Variants in AFAP1 observed in about 807,000 individuals in gnomAD.
The protein encoded by AFAP1 is actin filament-associated protein 1.
A neutral mutation model predicts 93.9 loss-of-function variants in AFAP1; 75 were observed. That is an observed-to-expected ratio of 0.80 (90% CI 0.66 to 0.97). AFAP1 has a LOEUF of 0.97. Among genes scored for constraint, AFAP1 ranks in the 50% least tolerant of loss-of-function variants. AFAP1 has a pLI of 0.00. For synonymous variants in AFAP1, 517 were observed against 430.7 expected, an observed-to-expected ratio of 1.20 and a Z score of -2.48; for missense variants, 1,201 against 1,050.8, an observed-to-expected ratio of 1.14 and a Z score of -1.98.
chr4:7,798,987 G>A, intron 10 of AFAP1: 3 of 986,372 alleles, frequency 3.0e-6, no homozygotes, highest in Non-Finnish European at 3.6e-6. Flanking sequence ...GTTACATCAA[G>A]AGTACAGTTT....
chr4:7,810,006 G>A (rs573769018), intron 8 of AFAP1, among the ~76,000 whole-genome samples: 5 of 152,202 alleles, frequency 3.3e-5, no homozygotes, highest in South Asian at 4.2e-4. Context: ...CCACAGGTGC[G>A]TGTCACTACG....
intron 6 of AFAP1, among the ~76,000 whole-genome samples, chr4:7,825,591 G>C (rs1721351364): frequency 6.6e-6 from 1 of 152,150 alleles, no homozygotes; most frequent in South Asian, 2.1e-4. Context: ...CGTTAACACT[G>C]TGTGTAGAAT....
At chr4:7,766,345 TCCC>T (rs904544586) in intron 17 of AFAP1, among the ~76,000 whole-genome samples, 13 of 151,950 alleles carry the variant, frequency 8.6e-5, no homozygotes, top group Non-Finnish European at 1.6e-4. Context: ...GTTGTACAGG[TCCC>T]CCATTTCCTC....
chr4:7,838,802 A>T (rs1334887400), intron 5 of AFAP1, 99 bp from the exon 6 acceptor site: 2 of 1,354,138 alleles, frequency 1.5e-6, no homozygotes, highest in Admixed American at 3.9e-5. Flanking sequence ...CGGGCAAGGC[A>T]TCTGAAAGTC....
intron 1 of AFAP1, among the ~76,000 whole-genome samples, chr4:7,907,219 A>C (rs1016620017): frequency 6.6e-6 from 1 of 152,176 alleles, no homozygotes; most frequent in African/African-American, 2.4e-5. Context: ...GCTTTTGCTA[A>C]AACAGAGGAA....
chr4:7,807,592 A>C (rs1456248048), intron 9 of AFAP1, among the ~76,000 whole-genome samples: 1 of 152,226 alleles, frequency 6.6e-6, no homozygotes, highest in Non-Finnish European at 1.5e-5. Context: ...GGAACGCACC[A>C]GGCTCCTCGG....
At chr4:7,796,031 C>T (rs1718387216) in intron 10 of AFAP1, among the ~76,000 whole-genome samples, 1 of 152,122 alleles carries the variant, frequency 6.6e-6, no homozygotes, top group South Asian at 2.1e-4. Context: ...TTGTAAGTAT[C>T]TGTCATATGT....
intron 17 of AFAP1, among the ~76,000 whole-genome samples, chr4:7,768,139 T>C (rs2148948002): frequency 6.6e-6 from 1 of 152,354 alleles, no homozygotes; most frequent in East Asian, 1.9e-4. Context: ...AGGACTCCCG[T>C]GTTCCAGCCC....
In AFAP1 at chr4:7,868,700, A is replaced by G. The variant is rs1379060206; in HGVS notation, c.147T>C (p.His49=). 3 of 1,613,412 alleles carry G rather than the reference A, an allele frequency of 1.9e-6. No homozygotes were observed. Among genetic ancestry groups the G allele is most frequent in the East Asian group, 2.2e-5 (1 of 44,892 alleles). Residue 49 remains histidine (H), a synonymous_variant, in exon 3 of 18, where the codon CAT becomes CAC. Coordinates refer to ENST00000420658, the MANE Select transcript of AFAP1 (RefSeq NM_001134647.2). ...TGTTAGCGGTCTCCTGCTTCTGAGC[A>G]TGGTCCTTCACATCAAAACCTGTAA... is the stretch of plus-strand genomic sequence containing the variant. The part of the protein sequence containing the change: ...QSSKGFDVKD[H]AQKQETANSL...
chr4:7,890,799 T>C (rs1002929600), intron 1 of AFAP1, among the ~76,000 whole-genome samples: 1 of 152,132 alleles, frequency 6.6e-6, no homozygotes, highest in Non-Finnish European at 1.5e-5. Context: ...TATCAAGCCT[T>C]AGCAAAACAG....
chr4:7,771,876 G>C (rs1715487190), intron 16 of AFAP1, among the ~76,000 whole-genome samples: 1 of 152,148 alleles, frequency 6.6e-6, no homozygotes, highest in Non-Finnish European at 1.5e-5. Flanking sequence ...GGGGATGGGA[G>C]AGGCTTGGAG....
chr4:7,937,596 C>T lies in AFAP1; in HGVS notation c.-3+2060G>A, dbSNP rs1467564317. Among the ~76,000 whole-genome samples, 8 of 152,186 alleles carry T rather than the reference C, an allele frequency of 5.3e-5. No individual in the cohort carries two copies. In the East Asian group the frequency reaches 1.5e-3, roughly 29 times the overall value. On this transcript the variant is annotated intron_variant, in intron 1 of 17. Transcript: ENST00000420658. ...CCGCCTCCTGGGTTCAAGCTATTCT[C>T]CTGCCTCAGCCTCATGAGTAGCTGC...
In AFAP1 at chr4:7,939,754, G is replaced by T; in HGVS notation, c.-101C>A. 1 of 403,650 alleles carries T rather than the reference G, an allele frequency of 2.5e-6. No homozygotes were observed. Among genetic ancestry groups the T allele is most frequent in the Non-Finnish European group, 4.9e-6 (1 of 205,750 alleles). The allele number at this position is 403,650 out of a possible 1,614,324, so 25.0% of individuals were successfully genotyped here. ...ACAGAGCCGCAGCCGCCTTAACAAT[G>T]GAGCCCCGGGGCGGGGCCGCCGCCG... On this transcript the variant is annotated 5_prime_UTR_variant, in exon 1 of 18. Transcript: ENST00000420658. This position sits in a 1 kb window ranked among gnomAD's most constrained non-coding sequence, Gnocchi z 5.6.
rs554679378 is a variant in AFAP1 at position 7,902,759 on chromosome 4, G to A, written c.-2-30679C>T. Among the ~76,000 whole-genome samples the A allele has an allele frequency of 2.0e-5, 3 of 152,336 alleles. No homozygotes were observed. The East Asian group carries it at 5.8e-4, about 29-fold the overall frequency. On this transcript the variant is annotated intron_variant, in intron 1 of 17. Coordinates refer to ENST00000420658, the MANE Select transcript of AFAP1 (RefSeq NM_001134647.2). Reference sequence around the variant, plus strand: ...CTTTAGCAGTAAGGCAGGGAGTGCAGTGAGAAGTGACCAGGCACTGGGAGG... The same window carrying A: ...CTTTAGCAGTAAGGCAGGGAGTGCAATGAGAAGTGACCAGGCACTGGGAGG...
rs140852884 is a variant in AFAP1 at position 7,903,581 on chromosome 4, A to C, written c.-2-31501T>G. ...GTAATCCCAGTTACTCAGGAAGCTG[A>C]GGCACAAGAATCACTTGAACCTGGG... On this transcript the variant is annotated intron_variant, in intron 1 of 17. Coordinates refer to ENST00000420658, the MANE Select transcript of AFAP1 (RefSeq NM_001134647.2). Among the ~76,000 whole-genome samples, 65 of 152,386 alleles carry C rather than the reference A, an allele frequency of 4.3e-4. 1 individual carries two copies. The East Asian group carries it at 0.012, about 28-fold the overall frequency.
At chr4:7,917,468 T>C (rs541490608) in intron 1 of AFAP1, among the ~76,000 whole-genome samples, 1 of 152,326 alleles carries the variant, frequency 6.6e-6, no homozygotes, top group South Asian at 2.1e-4. Context: ...ACTCACTTTC[T>C]GTCTTCCATA....
intron 14 of AFAP1, chr4:7,777,952 C>G (rs1716319524): frequency 6.6e-6 from 1 of 152,328 alleles, no homozygotes. Flanking sequence ...AATACAAACA[C>G]TTAAGAGATG....
chr4:7,885,464 C>T (rs929931357), intron 1 of AFAP1, among the ~76,000 whole-genome samples: 1 of 152,198 alleles, frequency 6.6e-6, no homozygotes, highest in African/African-American at 2.4e-5. Context: ...CCGCCTCAGG[C>T]CGACCATCAC....
At chr4:7,853,043 AGT>A (rs1449476915) in intron 4 of AFAP1, among the ~76,000 whole-genome samples, 1 of 152,194 alleles carries the variant, frequency 6.6e-6, no homozygotes, top group East Asian at 1.9e-4. Flanking sequence ...TTGGAAACTC[AGT>A]GTGGCTAGAA....
Sources: allele counts gnomAD v4.1 joint callset (sites outside exome capture counted in the v4.1 genomes callset), GRCh38; gene constraint gnomAD v4.1.1; non-coding constraint Gnocchi (gnomAD v3.1); transcripts MANE v1.5; gene names NCBI Gene and HGNC (gene_info 2026-07-23, HGNC 2026-07-21).